HIVEP3: variants seen among roughly 807,000 people sequenced by gnomAD.
The protein encoded by HIVEP3 is transcription factor HIVEP3.
Under a neutral mutation model 152.8 loss-of-function variants are expected in HIVEP3, and 49 were observed. The ratio of observed to expected loss-of-function variants is 0.32; its 90% CI spans 0.26 to 0.41. HIVEP3 has a LOEUF of 0.41. Among genes scored for constraint, HIVEP3 ranks in the 10% least tolerant of loss-of-function variants. The probability of loss-of-function intolerance (pLI) is 1.00; values close to 1 mark genes in which losing one functional copy is unlikely to be tolerated. For synonymous variants in HIVEP3, 1,269 were observed against 1,289.0 expected (o/e 0.98, Z 0.33); for missense variants, 2,790 against 3,103.3 (o/e 0.90, Z 2.40).
chr1:41,583,340 T>C lies in HIVEP3; in HGVS notation c.1458A>G (p.Pro486=). The part of the protein sequence containing the change: ...VDTSEIDSVK[P]RRSSLSRRSS... The stretch of plus-strand genomic sequence containing the variant: ...TGCGCCTGGACAGTGAGCTCCGCCT[T>C]GGCTTCACGCTGTCGATCTCGCTGG... Residue 486 remains proline (P), a synonymous_variant, in exon 4 of 9, where the codon CCA becomes CCG. Transcript: ENST00000372583. This position sits in a 1 kb window ranked among gnomAD's most constrained non-coding sequence, Gnocchi z 6.9. 6.2e-7 allele frequency: 1 copy of C among 1,611,548 alleles called. No individual in the cohort carries two copies. Among genetic ancestry groups the C allele is most frequent in the South Asian group, 1.1e-5 (1 of 90,596 alleles).
At chr1:42,029,482 T>C (rs1244409400) in intron 1 of HIVEP3, among the ~76,000 whole-genome samples, 1 of 152,198 alleles carries the variant, frequency 6.6e-6, no homozygotes, top group Non-Finnish European at 1.5e-5. Flanking sequence ...GAATAATGAT[T>C]ATTATTAACA....
intron 1 of HIVEP3, among the ~76,000 whole-genome samples, chr1:41,791,389 C>T (rs1212449681): frequency 6.6e-6 from 1 of 152,226 alleles, no homozygotes; most frequent in African/African-American, 2.4e-5. Context: ...GTGACTAAGT[C>T]CTGGCCAATA....
chr1:41,749,876 C>T (rs557637649), intron 1 of HIVEP3, among the ~76,000 whole-genome samples: 79 of 152,334 alleles, frequency 5.2e-4, no homozygotes, highest in Non-Finnish European at 8.5e-4. Context: ...TGTCCAACAA[C>T]AGCAGCTCTA....
At chr1:41,931,123 T>C (rs1449014193) in intron 1 of HIVEP3, among the ~76,000 whole-genome samples, 1 of 152,124 alleles carries the variant, frequency 6.6e-6, no homozygotes, top group Non-Finnish European at 1.5e-5. Flanking sequence ...TTATTTCAAG[T>C]TCAATTCATT....
At chr1:41,946,225 T>C (rs1256161109) in intron 1 of HIVEP3, among the ~76,000 whole-genome samples, 1 of 152,194 alleles carries the variant, frequency 6.6e-6, no homozygotes, top group East Asian at 1.9e-4. Context: ...AGGGAATCAC[T>C]GGAAGGCCTA....
At chr1:41,929,726 T>TATATATA (rs1553135852) in intron 1 of HIVEP3, among the ~76,000 whole-genome samples, 1,687 of 112,730 alleles carry the variant, frequency 0.015, 137 homozygotes, top group South Asian at 0.072. Flanking sequence ...ATATGTGTTT[T>TATATATA]TATATATATA....
Position 41,533,196 on chromosome 1 carries a change from G to T in HIVEP3, c.5208-8286C>A, listed in dbSNP as rs1298723483. Among the ~76,000 whole-genome samples, 2 of 152,116 alleles carry T rather than the reference G, an allele frequency of 1.3e-5. No homozygotes were observed. Among genetic ancestry groups the T allele is most frequent in the African/African-American group, 4.8e-5 (2 of 41,408 alleles). ...TGTCCAGCTTTGAGGTTCCCAGAGGGTCCAGCCAGGGACAGGCCTATGGCA... is the reference window on the plus strand; with the variant it reads ...TGTCCAGCTTTGAGGTTCCCAGAGGTTCCAGCCAGGGACAGGCCTATGGCA... On this transcript the variant is annotated intron_variant, in intron 5 of 8. Coordinates refer to ENST00000372583, the MANE Select transcript of HIVEP3 (RefSeq NM_024503.5). The surrounding 1 kb of genome is among the most constrained non-coding windows in gnomAD (Gnocchi z 4.3).
chr1:41,716,519 TG>T (rs1001436597), intron 1 of HIVEP3, among the ~76,000 whole-genome samples: 1 of 151,898 alleles, frequency 6.6e-6, no homozygotes, highest in Non-Finnish European at 1.5e-5. Context: ...CCAGAAGAGC[TG>T]GGGGGCCCCG....
At chr1:41,644,470 C>G (rs953204680) in intron 2 of HIVEP3, among the ~76,000 whole-genome samples, 3 of 152,182 alleles carry the variant, frequency 2.0e-5, no homozygotes, top group Non-Finnish European at 2.9e-5. Context: ...AACTCCCTGT[C>G]AGGAGGTTGA....
At chr1:41,774,618 T>C (rs1570509003) in intron 1 of HIVEP3, among the ~76,000 whole-genome samples, 1 of 152,126 alleles carries the variant, frequency 6.6e-6, no homozygotes, top group African/African-American at 2.4e-5. Flanking sequence ...TACTCAGAAA[T>C]AGAAAATAAA....
intron 1 of HIVEP3, 55 bp from the exon 2 acceptor site, chr1:41,701,050 A>T: frequency 1.1e-6 from 1 of 894,036 alleles, no homozygotes; most frequent in Non-Finnish European, 1.3e-6. Context: ...GTCAACTTTC[A>T]TCTGAGTTTG....
chr1:41,984,455 G>A (rs1645310771), intron 1 of HIVEP3, among the ~76,000 whole-genome samples: 1 of 152,168 alleles, frequency 6.6e-6, no homozygotes, highest in Non-Finnish European at 1.5e-5. Context: ...ATAGCCCTAA[G>A]GGAGAAGTGA....
chr1:41,744,587 T>C (rs1647044015), intron 1 of HIVEP3, among the ~76,000 whole-genome samples: 1 of 152,262 alleles, frequency 6.6e-6, no homozygotes, highest in Admixed American at 6.5e-5. Context: ...GCTCATGTTC[T>C]TGCTGGATTT....
At chr1:41,906,582 C>G (rs115222789) in intron 1 of HIVEP3, among the ~76,000 whole-genome samples, 1 of 151,966 alleles carries the variant, frequency 6.6e-6, no homozygotes, top group Non-Finnish European at 1.5e-5. Flanking sequence ...TACGGGATGA[C>G]GGGAATGTTC....
chr1:41,547,957 A>G (rs1335774409), intron 5 of HIVEP3, among the ~76,000 whole-genome samples: 1 of 151,812 alleles, frequency 6.6e-6, no homozygotes, highest in Non-Finnish European at 1.5e-5. Flanking sequence ...CCTTTCCTGC[A>G]CGGTGCTAAT....
intron 1 of HIVEP3, among the ~76,000 whole-genome samples, chr1:41,829,457 T>C (rs987960924): frequency 6.6e-6 from 1 of 152,200 alleles, no homozygotes; most frequent in Admixed American, 6.5e-5. Flanking sequence ...CAGATATAAA[T>C]CCAGACCAGC....
intron 5 of HIVEP3, among the ~76,000 whole-genome samples, chr1:41,526,703 A>T (rs1322466422): frequency 2.0e-5 from 1 of 50,282 alleles, no homozygotes; most frequent in Admixed American, 2.7e-4. Flanking sequence ...CCTCACGCAC[A>T]CTCACCCTCA....
intron 3 of HIVEP3, among the ~76,000 whole-genome samples, chr1:41,611,555 C>T (rs894148091): frequency 3.3e-5 from 5 of 152,256 alleles, no homozygotes; most frequent in African/African-American, 1.2e-4. Flanking sequence ...CCCAGGGGCA[C>T]ACATTCAACA....
intron 1 of HIVEP3, among the ~76,000 whole-genome samples, chr1:41,897,898 G>C (rs1644555524): frequency 6.6e-6 from 1 of 151,386 alleles, no homozygotes; most frequent in African/African-American, 2.4e-5. Flanking sequence ...ATTGCTGGGA[G>C]AAGGAGGACC....
Sources: allele counts gnomAD v4.1 joint callset (sites outside exome capture counted in the v4.1 genomes callset), GRCh38; gene constraint gnomAD v4.1.1; non-coding constraint Gnocchi (gnomAD v3.1); transcripts MANE v1.5; gene names NCBI Gene and HGNC (gene_info 2026-07-23, HGNC 2026-07-21).